Variants in HEATR1 observed in about 807,000 individuals in gnomAD.
HEATR1 encodes HEAT repeat-containing protein 1.
HEATR1 carries 77 observed loss-of-function variants against 248.2 expected under a neutral mutation model. That is an observed-to-expected ratio of 0.31 (90% confidence interval 0.26 to 0.37). HEATR1 has a LOEUF of 0.37. Ranked by LOEUF, HEATR1 falls within the 10% of genes least tolerant of loss-of-function variation. The pLI is 1.00. For synonymous variants in HEATR1, 897 were observed against 923.1 expected (o/e 0.97, Z 0.51); for missense variants, 2,420 against 2,504.9 (o/e 0.97, Z 0.72).
intron 29 of HEATR1, among the ~76,000 whole-genome samples, chr1:236,568,057 C>T (rs1310009718): frequency 6.6e-6 from 1 of 152,226 alleles, no homozygotes; most frequent in African/African-American, 2.4e-5. Context: ...CAATCAATCA[C>T]CATTACATTC....
At chr1:236,599,810 A>G (rs1664269790) in intron 3 of HEATR1, among the ~76,000 whole-genome samples, 186 bp from the exon 4 acceptor site, 1 of 152,222 alleles carries the variant, frequency 6.6e-6, no homozygotes, top group African/African-American at 2.4e-5. Context: ...ATATCCCTCA[A>G]CATGGTCCAG....
chr1:236,564,606 T>C lies in HEATR1; in HGVS notation c.4491A>G (p.Leu1497=), dbSNP rs749169973. 3 of 1,613,670 alleles carry C rather than the reference T, an allele frequency of 1.9e-6. No individual in the cohort carries two copies. The highest frequency in any genetic ancestry group is 2.2e-5 in the East Asian group (1 of 44,880). ...FNKSESQEEM[L]QVFNVETHTS... The stretch of plus-strand genomic sequence containing the variant: ...TGTGAGTCTCTACATTAAAAACCTG[T>C]AGCATTTCTTCTTGTGATTCACTCT... Residue 1497 remains leucine, a synonymous_variant, in exon 32 of 45, where the codon CTA becomes CTG. Coordinates refer to ENST00000366582, the MANE Select transcript of HEATR1 (RefSeq NM_018072.6).
chr1:236,580,826 T>A (rs1170946492), intron 20 of HEATR1, among the ~76,000 whole-genome samples: 49 of 146,500 alleles, frequency 3.3e-4, no homozygotes, highest in African/African-American at 1.2e-3. Context: ...CTTTATCGAT[T>A]TTTTTTTTTT....
In HEATR1 at chr1:236,599,464, T is replaced by C. The variant is rs188528558; in HGVS notation, c.501+19A>G. 1 of 1,605,684 alleles carries C rather than the reference T, an allele frequency of 6.2e-7. No individual in the cohort carries two copies. The highest frequency in any genetic ancestry group is 2.2e-5 in the East Asian group (1 of 44,736). On this transcript the variant is annotated intron_variant, in intron 4 of 44. Transcript: ENST00000366582. The stretch of plus-strand genomic sequence containing the variant: ...AAGATCTGTAATGATTACAGACATA[T>C]GTCATTCAGCAATTATACCTTAACT...
intron 1 of HEATR1, 46 bp from the exon 2 acceptor site, chr1:236,604,173 G>T: frequency 6.9e-7 from 1 of 1,454,314 alleles, no homozygotes. Flanking sequence ...AAATTATAAG[G>T]CGCCTCGTAA....
chr1:236,567,448 C>T (rs1212297730), intron 29 of HEATR1, among the ~76,000 whole-genome samples: 6 of 152,212 alleles, frequency 3.9e-5, no homozygotes, highest in African/African-American at 7.2e-5. Context: ...CAGTGGCTCA[C>T]GCCTGTAATC....
At chr1:236,552,890 C>G (rs969588721) in intron 43 of HEATR1, 1 of 152,168 alleles carries the variant, frequency 6.6e-6, no homozygotes, top group Non-Finnish European at 1.5e-5. Flanking sequence ...TGTATAAAAA[C>G]CTATGGTTTA....
In HEATR1 at chr1:236,587,949, T is replaced by A; in HGVS notation, c.1625A>T (p.Glu542Val). 6.2e-7 allele frequency: 1 copy of A among 1,607,178 alleles called. No individual in the cohort carries two copies. Among genetic ancestry groups the A allele is most frequent in the Non-Finnish European group, 8.5e-7 (1 of 1,175,644 alleles). Residue 542 changes from glutamate (E) to valine (V), a missense_variant and splice_region_variant, in exon 13 of 45, where the codon GAG (glutamate) becomes GTG (valine). Glu to Val is a moderately radical substitution (Grantham distance 121). Transcript: ENST00000366582. ...DVVLSAISAF[E>V]IFKEHFSSEV... ...TCAACAAATGACAAATTCACTCACC[T>A]CAAAAGCACTTATAGCCGACAAAAC...
Position 236,553,642 on chromosome 1 carries a change from T to C in HEATR1, c.6176A>G (p.Asp2059Gly). ...GTAGTTCAGTGGTTTCCAAAGAGAG[T>C]CATCCGCCATGGCCACCGAAAACTG... ...IAQFSVAMAD[D>G]SLWKPLNYQI... The change falls in exon 43 of 45, where the codon GAC (aspartate) becomes GGC (glycine). Residue 2059 changes from aspartate to glycine, a missense_variant. Asp to Gly is a moderately conservative substitution (Grantham distance 94, BLOSUM62 -1). Transcript: ENST00000366582. 1 of 1,613,876 alleles carries C rather than the reference T, an allele frequency of 6.2e-7. No individual in the cohort carries two copies. Among genetic ancestry groups the C allele is most frequent in the Non-Finnish European group, 8.5e-7 (1 of 1,179,928 alleles).
rs1397640135 is a variant in HEATR1, at chr1:236,595,905, G to A, written c.884C>T (p.Ser295Phe). 1.9e-6 allele frequency: 3 copies of A among 1,613,924 alleles called. No homozygotes were observed. Among genetic ancestry groups the A allele is most frequent in the Non-Finnish European group, 2.5e-6 (3 of 1,179,916 alleles). ...QIIKTLTKIPSLIKDGLSCLI... is the reference protein window; with the variant it reads ...QIIKTLTKIPFLIKDGLSCLI... ...GCAACTTAACCCATCCTTGATCAAA[G>A]AGGGAATCTTGGTCAATGTTTTGAT... The change falls in exon 7 of 45, where the codon TCT becomes TTT. Residue 295 changes from serine (S) to phenylalanine (F), a missense_variant. Transcript: ENST00000366582.
intron 22 of HEATR1, 142 bp downstream of exon 22, chr1:236,576,077 T>A: frequency 1.9e-6 from 1 of 540,396 alleles, no homozygotes; most frequent in East Asian, 3.2e-5. Context: ...CCTCAACTCA[T>A]CCCCCTCTCA....
At position 236,569,097 on chromosome 1, in the gene HEATR1, T is replaced by G. The variant is rs750920062; in HGVS notation, c.3976A>C (p.Ile1326Leu). 5 of 1,598,158 alleles carry G rather than the reference T, an allele frequency of 3.1e-6. No individual in the cohort carries two copies. The highest frequency in any genetic ancestry group is 2.3e-5 in the South Asian group (2 of 87,982). ...ACATTGGCTCCCATAAATGTAAAAA[T>G]AGACATGATATTGTGTAAAACTTTA... ...PDKVLHNIMS[I>L]FTFMGANVMR... The change falls in exon 29 of 45, where the codon ATT becomes CTT. Residue 1326 changes from isoleucine to leucine, a missense_variant. By Grantham distance (5) the Ile-to-Leu change is conservative (BLOSUM62 2). Coordinates refer to ENST00000366582, the MANE Select transcript of HEATR1 (RefSeq NM_018072.6).
chr1:236,604,474 T>G lies in HEATR1; in HGVS notation c.-85A>C. The G allele has an allele frequency of 1.8e-5, 3 of 165,686 alleles. No individual in the cohort carries two copies. The highest frequency in any genetic ancestry group is 2.6e-5 in the Non-Finnish European group (2 of 77,392). 10.3% of individuals were successfully genotyped at this position (165,686 alleles called of 1,614,324 possible). On this transcript the variant is annotated 5_prime_UTR_variant, in exon 1 of 45. Coordinates refer to ENST00000366582, the MANE Select transcript of HEATR1 (RefSeq NM_018072.6). The stretch of plus-strand genomic sequence containing the variant: ...GGAAGGCAACAACTCTTCACAGCGC[T>G]TCCCACATGGTACCAAGGAGCCCAA...
rs1662649552 is a variant in HEATR1 at position 236,550,031 on chromosome 1, AAG to A, written c.*869_*870del. The stretch of plus-strand genomic sequence containing the variant: ...CGGGATGTTCTTAGATGCCTTTAAA[AAG>A]GGGGCAGATCTAATTTTATTTGAAC... On this transcript the variant is annotated 3_prime_UTR_variant, in exon 45 of 45. Transcript: ENST00000366582. 1 of 152,208 alleles carries A rather than the reference AAG, an allele frequency of 6.6e-6. No homozygotes were observed. The highest frequency in any genetic ancestry group is 2.1e-4 in the South Asian group (1 of 4,836). The allele number at this position is 152,208 out of a possible 1,614,324, so 9.4% of individuals were successfully genotyped here. A position where few individuals can be genotyped will look rare whatever the true frequency, so the allele number is the denominator to read the frequency against.
intron 3 of HEATR1, among the ~76,000 whole-genome samples, chr1:236,600,134 T>A (rs1390422398): frequency 5.8e-5 from 8 of 138,954 alleles, no homozygotes; most frequent in South Asian, 5.0e-4. Flanking sequence ...TTTTTTTTTT[T>A]TTTTTTTTTT....
At chr1:236,551,849 T>G in intron 44 of HEATR1, 150 bp downstream of exon 44, 2 of 594,028 alleles carry the variant, frequency 3.4e-6, no homozygotes, top group Non-Finnish European at 5.9e-6. Flanking sequence ...CGAGCCTGCC[T>G]GTATTTGAGA....
intron 2 of HEATR1, among the ~76,000 whole-genome samples, 180 bp from the exon 3 acceptor site, chr1:236,603,556 TC>T (rs1453789296): frequency 1.3e-5 from 2 of 151,758 alleles, no homozygotes; most frequent in Non-Finnish European, 2.9e-5. Flanking sequence ...TCCTATCTCA[TC>T]TACTAGAACA....
rs746988499 is a variant in HEATR1 at position 236,556,089 on chromosome 1, T to G, written c.5514+11A>C. 1 of 1,614,188 alleles carries G rather than the reference T, an allele frequency of 6.2e-7. No individual in the cohort carries two copies. The highest frequency in any genetic ancestry group is 1.1e-5 in the South Asian group (1 of 91,088). ...CCTTCTCCAAAGTCTTAATACCCAA[T>G]AAGATCTAACCTTCCAGTTCTTCTC... On this transcript the variant is annotated intron_variant, in intron 38 of 44. Transcript: ENST00000366582.
chr1:236,563,247 C>T (rs1663181463), intron 32 of HEATR1, among the ~76,000 whole-genome samples: 1 of 152,114 alleles, frequency 6.6e-6, no homozygotes, highest in African/African-American at 2.4e-5. Flanking sequence ...CCCATCTATC[C>T]TGCACTGCTG....
Sources: allele counts gnomAD v4.1 joint callset (sites outside exome capture counted in the v4.1 genomes callset), GRCh38; gene constraint gnomAD v4.1.1; transcripts MANE v1.5; gene names NCBI Gene and HGNC (gene_info 2026-07-23, HGNC 2026-07-21).